The following UHRF2 variants were observed in gnomAD, a reference collection of about 807,000 sequenced individuals.
UHRF2 encodes the protein ubiquitin like with PHD and ring finger domains 2, also known as E3 ubiquitin-protein ligase UHRF2.
Under a neutral mutation model 96.8 loss-of-function variants are expected in UHRF2, and 23 were observed. That is an observed-to-expected ratio of 0.24 (90% CI 0.17 to 0.34). UHRF2 has a LOEUF of 0.34. UHRF2 is among the 10% of genes least tolerant of loss of function. UHRF2 has a pLI of 1.00. For missense variants in UHRF2, 685 were observed against 981.5 expected, an observed-to-expected ratio of 0.70 and a Z score of 4.04; for synonymous variants, 385 against 332.6, an observed-to-expected ratio of 1.16 and a Z score of -1.72.
At chr9:6,443,768 C>A (rs954797399) in intron 3 of UHRF2, among the ~76,000 whole-genome samples, 7 of 152,176 alleles carry the variant, frequency 4.6e-5, no homozygotes, top group Non-Finnish European at 1.0e-4. Flanking sequence ...GGATTGAAAT[C>A]AAATGAAATG....
intron 3 of UHRF2, among the ~76,000 whole-genome samples, chr9:6,458,312 T>C (rs1049328491): frequency 1.7e-4 from 26 of 152,208 alleles, no homozygotes; most frequent in African/African-American, 6.3e-4. Context: ...GATGGTAGTT[T>C]GTATTTCTGT....
intron 3 of UHRF2, among the ~76,000 whole-genome samples, chr9:6,453,886 C>T (rs990128398): frequency 6.6e-6 from 1 of 151,962 alleles, no homozygotes; most frequent in African/African-American, 2.4e-5. Context: ...ACCTGGGCAA[C>T]AGAGTAAGAC....
intron 3 of UHRF2, among the ~76,000 whole-genome samples, chr9:6,455,781 C>G (rs1822139198): frequency 1.5e-5 from 1 of 65,426 alleles, no homozygotes; most frequent in Non-Finnish European, 3.5e-5. Flanking sequence ...GCCCTGGAGT[C>G]TGAGACCAGC....
chr9:6,413,734 C>G, intron 1 of UHRF2, 91 bp downstream of exon 1: 4 of 1,322,312 alleles, frequency 3.0e-6, no homozygotes, highest in African/African-American at 1.6e-5. Context: ...CTGTGCGCCG[C>G]GCGCGCAGGG....
chr9:6,413,490 G>T lies in UHRF2; in HGVS notation c.-1G>T. On this transcript the variant is annotated 5_prime_UTR_variant, in exon 1 of 16. Coordinates refer to ENST00000276893, the MANE Select transcript of UHRF2 (RefSeq NM_152896.3). ...GGACCGGTTCCTCTCTAGGCGCCAAGATGTGGATACAGGTTCGCACCATTG... is the reference window on the plus strand; with the variant it reads ...GGACCGGTTCCTCTCTAGGCGCCAATATGTGGATACAGGTTCGCACCATTG... 1.9e-6 allele frequency: 3 copies of T among 1,548,330 alleles called. No homozygotes were observed. Among genetic ancestry groups the T allele is most frequent in the East Asian group, 2.6e-5 (1 of 37,956 alleles).
At chr9:6,458,368 T>G (rs779608488) in intron 3 of UHRF2, among the ~76,000 whole-genome samples, 36 of 152,310 alleles carry the variant, frequency 2.4e-4, no homozygotes, top group Admixed American at 1.2e-3. Flanking sequence ...TTGTGTCTAT[T>G]TGGTTCTTCT....
intron 3 of UHRF2, among the ~76,000 whole-genome samples, chr9:6,445,535 A>G (rs1478144103): frequency 2.0e-5 from 3 of 152,192 alleles, no homozygotes; most frequent in South Asian, 2.1e-4. Context: ...TTCTGGAATT[A>G]CAGAGGTGAG....
chr9:6,434,225 C>A (rs1204304980), intron 3 of UHRF2, 52 bp downstream of exon 3: 6 of 1,533,594 alleles, frequency 3.9e-6, no homozygotes, highest in Non-Finnish European at 5.3e-6. Context: ...TTGTAGAAAC[C>A]AAAGCCTTCT....
chr9:6,426,905 T>G (rs1012051440), intron 2 of UHRF2, among the ~76,000 whole-genome samples: 1 of 151,934 alleles, frequency 6.6e-6, no homozygotes, highest in Non-Finnish European at 1.5e-5. Context: ...CCCGCCACCA[T>G]GCCCAGCTAA....
intron 3 of UHRF2, among the ~76,000 whole-genome samples, chr9:6,445,639 C>G (rs1821441896): frequency 6.6e-6 from 1 of 152,156 alleles, no homozygotes; most frequent in African/African-American, 2.4e-5. Flanking sequence ...CTCACTGCAA[C>G]CTTGACCTCC....
At chr9:6,489,429 CAGA>C (rs1301303558) in intron 9 of UHRF2, among the ~76,000 whole-genome samples, 1 of 152,158 alleles carries the variant, frequency 6.6e-6, no homozygotes, top group Non-Finnish European at 1.5e-5. Flanking sequence ...ATAAATGCCC[CAGA>C]AGTGCAATTC....
chr9:6,483,324 C>CAAAAAAA (rs34497002), intron 8 of UHRF2, among the ~76,000 whole-genome samples: 2 of 59,532 alleles, frequency 3.4e-5, no homozygotes, highest in Non-Finnish European at 7.0e-5. Flanking sequence ...GACTCTGTCT[C>CAAAAAAA]AAAAAAAAAA....
At chr9:6,444,232 G>T (rs1045882268) in intron 3 of UHRF2, among the ~76,000 whole-genome samples, 1 of 152,170 alleles carries the variant, frequency 6.6e-6, no homozygotes, top group African/African-American at 2.4e-5. Context: ...TAACCTGTCT[G>T]CTCTATTGCT....
At chr9:6,501,749 G>A (rs1009546874) in intron 14 of UHRF2, among the ~76,000 whole-genome samples, 1 of 152,210 alleles carries the variant, frequency 6.6e-6, no homozygotes, top group African/African-American at 2.4e-5. Context: ...CGTAAGCAGA[G>A]TCTGACTTTG....
chr9:6,493,934 T>C lies in UHRF2; in HGVS notation c.1604+2T>C. 1 of 1,611,512 alleles carries C rather than the reference T, an allele frequency of 6.2e-7. No individual in the cohort carries two copies. The highest frequency in any genetic ancestry group is 8.5e-7 in the Non-Finnish European group (1 of 1,178,036). ...TCAAACATTAACAAACATGAACAGG[T>C]ACTACTATAGACACTGTTTAGAATT... On this transcript the variant is annotated splice_donor_variant, in intron 10 of 15. Transcript: ENST00000276893. LOFTEE classifies it high-confidence loss of function.
At chr9:6,482,947 G>C (rs973720641) in intron 8 of UHRF2, among the ~76,000 whole-genome samples, 2 of 152,012 alleles carry the variant, frequency 1.3e-5, no homozygotes, top group African/African-American at 2.4e-5. Flanking sequence ...ATAACATTTA[G>C]ATAACATACA....
Position 6,440,357 on chromosome 9 carries a change from CAT to C in UHRF2, c.644+6187_644+6188del, listed in dbSNP as rs1262203650. Reference sequence around the variant, plus strand: ...TTATAATGTTAGCTACATTAAATCTCATATGAGGAAACCAAGGATTAATTATA... The same window carrying C: ...TTATAATGTTAGCTACATTAAATCTCATGAGGAAACCAAGGATTAATTATA... On this transcript the variant is annotated intron_variant, in intron 3 of 15. Coordinates refer to ENST00000276893, the MANE Select transcript of UHRF2 (RefSeq NM_152896.3). 8.5e-5 allele frequency among the ~76,000 whole-genome samples: 13 copies of C among 152,226 alleles called. No individual in the cohort carries two copies. In the East Asian group the frequency reaches 2.5e-3, roughly 29 times the overall value.
At chr9:6,446,633 G>A (rs1821522409) in intron 3 of UHRF2, among the ~76,000 whole-genome samples, 1 of 151,670 alleles carries the variant, frequency 6.6e-6, no homozygotes, top group Non-Finnish European at 1.5e-5. Context: ...TGGATCACTT[G>A]GGGACGACAG....
chr9:6,499,776 C>A, intron 12 of UHRF2, 59 bp from the exon 13 acceptor site: 3 of 1,082,628 alleles, frequency 2.8e-6, no homozygotes, highest in Non-Finnish European at 2.6e-6. Flanking sequence ...AGGATCTAAA[C>A]CCCCCTTCTC....
Sources: allele counts gnomAD v4.1 joint callset (sites outside exome capture counted in the v4.1 genomes callset), GRCh38; gene constraint gnomAD v4.1.1; transcripts MANE v1.5; gene names NCBI Gene and HGNC (gene_info 2026-07-23, HGNC 2026-07-21).